CCDC81: variants seen among roughly 807,000 people sequenced by gnomAD.
The protein encoded by CCDC81 is coiled-coil domain-containing protein 81.
A neutral mutation model predicts 83.7 loss-of-function variants in CCDC81; 79 were observed. The ratio of observed to expected loss-of-function variants is 0.94; its 90% confidence interval spans 0.79 to 1.14. The LOEUF (loss-of-function observed/expected upper bound fraction) is 1.14, where lower values mean the gene tolerates loss of function less well. Among genes scored for constraint, CCDC81 ranks in the 50% most tolerant of loss-of-function variants. CCDC81 has a pLI of 0.00. For missense variants in CCDC81, 791 were observed against 778.1 expected (o/e 1.02, Z -0.20); for synonymous variants, 252 against 278.1 (o/e 0.91, Z 0.93).
chr11:86,411,920 T>C (rs912257582), intron 10 of CCDC81, among the ~76,000 whole-genome samples: 1 of 152,208 alleles, frequency 6.6e-6, no homozygotes, highest in African/African-American at 2.4e-5. Context: ...CACCAGATGA[T>C]TGCATTCAGA....
chr11:86,397,302 CT>C (rs1251621565), intron 5 of CCDC81, among the ~76,000 whole-genome samples: 13 of 152,194 alleles, frequency 8.5e-5, no homozygotes, highest in African/African-American at 3.1e-4. Context: ...CCCATAGCAT[CT>C]AGTTAAAGAA....
chr11:86,375,335 C>T, intron 1 of CCDC81, 93 bp downstream of exon 1: 1 of 1,148,946 alleles, frequency 8.7e-7, no homozygotes, highest in Non-Finnish European at 1.3e-6. Context: ...AATTCCCTGG[C>T]TCAGGCCTGG....
chr11:86,378,370 G>T lies in CCDC81; in HGVS notation c.79+3128G>T, dbSNP rs567515028. On this transcript the variant is annotated intron_variant, in intron 1 of 14. Transcript: ENST00000445632. ...TTTCTATCCTTTTCTATTTGTTAAGGTGTGTTTTATGGCCCAGAACATGGT... is the reference window on the plus strand; with the variant it reads ...TTTCTATCCTTTTCTATTTGTTAAGTTGTGTTTTATGGCCCAGAACATGGT... 2.0e-5 allele frequency among the ~76,000 whole-genome samples: 3 copies of T among 152,148 alleles called. No homozygotes were observed. In the South Asian group the frequency reaches 6.2e-4, roughly 32 times the overall value.
At chr11:86,375,678 A>T (rs980553204) in intron 1 of CCDC81, among the ~76,000 whole-genome samples, 1 of 152,088 alleles carries the variant, frequency 6.6e-6, no homozygotes, top group African/African-American at 2.4e-5. Flanking sequence ...AGAAAATGAG[A>T]TGATCATAAA....
chr11:86,409,912 C>T (rs889465579), intron 10 of CCDC81, among the ~76,000 whole-genome samples: 1 of 152,274 alleles, frequency 6.6e-6, no homozygotes, highest in African/African-American at 2.4e-5. Flanking sequence ...TAATTCTCAA[C>T]CAGGACGTGG....
rs1328733579 is a variant in CCDC81 at position 86,422,491 on chromosome 11, T to C, written c.1818-83T>C. 5.3e-6 allele frequency: 7 copies of C among 1,310,698 alleles called. No homozygotes were observed. In the Admixed American group the frequency reaches 1.3e-4, roughly 25 times the overall value. The allele number at this position is 1,310,698 out of a possible 1,614,324, so 81.2% of individuals were successfully genotyped here. The stretch of plus-strand genomic sequence containing the variant: ...CGCAAGGTGTCACTTTTCTTTTGTG[T>C]ACCTCCTGCCATACCAGCTTCCAAG... On this transcript the variant is annotated intron_variant, in intron 14 of 14. Transcript: ENST00000445632.
In CCDC81 at chr11:86,400,776, G is replaced by A. The variant is rs370882638; in HGVS notation, c.856G>A (p.Gly286Ser). Residue 286 changes from glycine (G) to serine (S), a missense_variant, in exon 7 of 15, where the codon GGT becomes AGT. Physicochemically the swap from Gly to Ser is moderately conservative, Grantham distance 56. Coordinates refer to ENST00000445632, the MANE Select transcript of CCDC81 (RefSeq NM_001156474.2). ...GGAAAAGTTTGAACGAAGTGAGAGT[G>A]GTGGGAAGATTATGACCCCTGAAAG... The part of the protein sequence containing the change: ...LLEKFERSES[G>S]GKIMTPESLS... The A allele has an allele frequency of 3.7e-6, 6 of 1,611,568 alleles. No individual in the cohort carries two copies. In the East Asian group the frequency reaches 1.3e-4, roughly 36 times the overall value.
intron 1 of CCDC81, among the ~76,000 whole-genome samples, chr11:86,376,445 C>T (rs922613179): frequency 2.6e-5 from 4 of 152,022 alleles, no homozygotes; most frequent in Non-Finnish European, 4.4e-5. Flanking sequence ...AAAATCATGG[C>T]AGAAGGGGAA....
intron 7 of CCDC81, among the ~76,000 whole-genome samples, chr11:86,406,108 T>C (rs530162397): frequency 6.6e-6 from 1 of 152,314 alleles, no homozygotes; most frequent in South Asian, 2.1e-4. Context: ...TTTTTCTTCT[T>C]GCTAAAGTAT....
At chr11:86,417,474 A>G (rs1452388331) in intron 13 of CCDC81, among the ~76,000 whole-genome samples, 1 of 151,898 alleles carries the variant, frequency 6.6e-6, no homozygotes, top group Non-Finnish European at 1.5e-5. Context: ...CTTATATATT[A>G]CTCTGCAAAC....
intron 3 of CCDC81, among the ~76,000 whole-genome samples, chr11:86,391,570 A>G (rs1463375193): frequency 1.3e-5 from 2 of 152,208 alleles, no homozygotes; most frequent in Non-Finnish European, 2.9e-5. Flanking sequence ...GTAGTGTCAT[A>G]TATGGGCTCA....
intron 4 of CCDC81, 131 bp downstream of exon 4, chr11:86,392,928 G>A (rs1246738260): frequency 1.0e-6 from 1 of 989,476 alleles, no homozygotes; most frequent in Non-Finnish European, 1.4e-6. Context: ...ACATGGAAGT[G>A]CTTGTTTATA....
intron 1 of CCDC81, among the ~76,000 whole-genome samples, chr11:86,376,631 A>T (rs1159335397): frequency 6.6e-6 from 1 of 152,220 alleles, no homozygotes; most frequent in Non-Finnish European, 1.5e-5. Context: ...CTCTCCCTCA[A>T]CACCTAGGGA....
At chr11:86,378,773 A>G (rs1053836175) in intron 1 of CCDC81, among the ~76,000 whole-genome samples, 6 of 152,210 alleles carry the variant, frequency 3.9e-5, no homozygotes, top group African/African-American at 1.2e-4. Context: ...TCTAAAATTA[A>G]TATAGCTACC....
intron 4 of CCDC81, among the ~76,000 whole-genome samples, chr11:86,394,575 A>G (rs1284784574): frequency 6.6e-6 from 1 of 152,258 alleles, no homozygotes; most frequent in Non-Finnish European, 1.5e-5. Context: ...CCCGTAACTT[A>G]AAACTGTCTT....
chr11:86,391,833 C>T (rs1200609610), intron 3 of CCDC81, among the ~76,000 whole-genome samples: 2 of 152,160 alleles, frequency 1.3e-5, no homozygotes, highest in African/African-American at 4.8e-5. Context: ...AACTGACCCA[C>T]GTTTCCACAG....
Position 86,387,536 on chromosome 11 carries a change from T to C in CCDC81, c.162T>C (p.Phe54=). 6.2e-7 allele frequency: 1 copy of C among 1,614,080 alleles called. No individual in the cohort carries two copies. The highest frequency in any genetic ancestry group is 8.5e-7 in the Non-Finnish European group (1 of 1,179,998). Residue 54 remains phenylalanine (F), a synonymous_variant, in exon 3 of 15, where the codon TTT becomes TTC. Transcript: ENST00000445632. ...TTCAGGGGGTTCAGATTCCAGCATT[T>C]GGAACTTTCACTTTCATAAGACAAA... is the stretch of plus-strand genomic sequence containing the variant. ...TLHKGVQIPA[F]GTFTFIRQKL... is the part of the protein sequence containing the mutation.
Position 86,407,721 on chromosome 11 carries a change from A to G in CCDC81, c.969+20A>G, listed in dbSNP as rs768963809. ...GGACAGGTACAGTGTTTCCAAACAA[A>G]TAAGTCCCATCAGAATCTTATACTG... On this transcript the variant is annotated intron_variant, in intron 8 of 14. Coordinates refer to ENST00000445632, the MANE Select transcript of CCDC81 (RefSeq NM_001156474.2). 5.1e-6 allele frequency: 8 copies of G among 1,567,230 alleles called. No individual in the cohort carries two copies. Among genetic ancestry groups the G allele is most frequent in the Middle Eastern group, 1.7e-4 (1 of 6,012 alleles).
chr11:86,380,571 T>C (rs1711853446), intron 1 of CCDC81, among the ~76,000 whole-genome samples: 1 of 152,214 alleles, frequency 6.6e-6, no homozygotes, highest in Non-Finnish European at 1.5e-5. Context: ...GGTATTCCCA[T>C]TATGGGTACA....
Sources: gnomAD v4.1 joint callset for allele counts (sites outside exome capture counted in the v4.1 genomes callset) on GRCh38, gnomAD v4.1.1 for gene constraint, MANE v1.5 for transcripts, NCBI Gene and HGNC (gene_info 2026-07-23, HGNC 2026-07-21) for gene names.